RAD18: variants seen among roughly 807,000 people sequenced by gnomAD.
RAD18 encodes RAD18 E3 ubiquitin protein ligase.
RAD18 carries 47 observed loss-of-function variants against 60.4 expected under a neutral mutation model. The ratio of observed to expected loss-of-function variants is 0.78; its 90% CI spans 0.62 to 0.99. The LOEUF (loss-of-function observed/expected upper bound fraction) is 0.99. Among genes scored for constraint, RAD18 ranks in the 50% least tolerant of loss-of-function variants. The pLI, the probability that RAD18 is intolerant of heterozygous loss-of-function variation, is 0.00. For missense variants in RAD18, 640 were observed against 593.3 expected, an observed-to-expected ratio of 1.08 and a Z score of -0.82; for synonymous variants, 225 against 195.5, an observed-to-expected ratio of 1.15 and a Z score of -1.26.
intron 7 of RAD18, among the ~76,000 whole-genome samples, chr3:8,928,445 A>G (rs1441302889): frequency 6.6e-6 from 1 of 152,194 alleles, no homozygotes; most frequent in Non-Finnish European, 1.5e-5. Flanking sequence ...AACACAGCTT[A>G]AACATAATGG....
chr3:8,947,387 T>A (rs1042378619), intron 3 of RAD18, 97 bp from the exon 4 acceptor site: 48 of 933,098 alleles, frequency 5.1e-5, no homozygotes, highest in Non-Finnish European at 7.4e-5. Context: ...CTCCTGAGGT[T>A]CTCCATCCCA....
At chr3:8,907,869 C>T (rs1233511595) in intron 9 of RAD18, among the ~76,000 whole-genome samples, 7 of 152,202 alleles carry the variant, frequency 4.6e-5, no homozygotes, top group African/African-American at 1.4e-4. Flanking sequence ...GACACTGCTA[C>T]GGGGCCTGCA....
chr3:8,931,360 G>A (rs1940549785), intron 7 of RAD18: 1 of 152,148 alleles, frequency 6.6e-6, no homozygotes, highest in Non-Finnish European at 1.5e-5. Flanking sequence ...AGAAAGTAAA[G>A]GAGGCCTAAA....
intron 7 of RAD18, among the ~76,000 whole-genome samples, chr3:8,934,891 A>G (rs1281029509): frequency 6.6e-6 from 1 of 152,202 alleles, no homozygotes; most frequent in African/African-American, 2.4e-5. Flanking sequence ...CAAAAATGAA[A>G]AAAACATGAC....
chr3:8,920,192 T>C (rs1940289941), intron 7 of RAD18, among the ~76,000 whole-genome samples: 1 of 143,188 alleles, frequency 7.0e-6, no homozygotes, highest in Non-Finnish European at 1.5e-5. Flanking sequence ...GGCAGGAGAA[T>C]GGCGTGAACC....
intron 11 of RAD18, among the ~76,000 whole-genome samples, chr3:8,898,079 T>G (rs1210159764): frequency 6.7e-6 from 1 of 149,282 alleles, no homozygotes; most frequent in Admixed American, 6.6e-5. Context: ...CTCAAAAAAA[T>G]GAAAAAAAAA....
intron 1 of RAD18, among the ~76,000 whole-genome samples, chr3:8,959,404 A>C (rs1262513760): frequency 6.6e-6 from 1 of 152,244 alleles, no homozygotes; most frequent in Non-Finnish European, 1.5e-5. Flanking sequence ...CATTGCCACC[A>C]CACAAGTTAA....
chr3:8,898,352 G>A (rs1440171050), intron 11 of RAD18, among the ~76,000 whole-genome samples: 1 of 149,906 alleles, frequency 6.7e-6, no homozygotes, highest in Non-Finnish European at 1.5e-5. Flanking sequence ...TGAAAGACCG[G>A]AACAAAAACT....
rs764172908 is a variant in RAD18, at chr3:8,877,845, G to C, written c.*3512C>G. 6.6e-6 allele frequency: 1 copy of C among 152,166 alleles called. No homozygotes were observed. The highest frequency in any genetic ancestry group is 1.5e-5 in the Non-Finnish European group (1 of 68,032). The allele number at this position is 152,166 out of a possible 1,614,324, so 9.4% of individuals were successfully genotyped here. Reference sequence around the variant, plus strand: ...GAGAAAAAAAAGGGGGTGGGGAAGAGAAAAGAGAAAGAGTGAAAGGGGAAG... The same window carrying C: ...GAGAAAAAAAAGGGGGTGGGGAAGACAAAAGAGAAAGAGTGAAAGGGGAAG... On this transcript the variant is annotated 3_prime_UTR_variant, in exon 13 of 13. Coordinates refer to ENST00000264926, the MANE Select transcript of RAD18 (RefSeq NM_020165.4).
intron 7 of RAD18, among the ~76,000 whole-genome samples, chr3:8,928,490 C>CAT (rs199598248): frequency 6.6e-6 from 1 of 151,300 alleles, no homozygotes; most frequent in East Asian, 1.9e-4. Context: ...AATAAAGTAG[C>CAT]TGCTATACTC....
intron 7 of RAD18, among the ~76,000 whole-genome samples, chr3:8,919,870 G>A (rs1356123702): frequency 6.6e-6 from 1 of 152,138 alleles, no homozygotes; most frequent in African/African-American, 2.4e-5. Context: ...CATGAGGACA[G>A]GAATTAGAAT....
intron 11 of RAD18, among the ~76,000 whole-genome samples, chr3:8,896,906 A>G (rs1052894933): frequency 7.2e-5 from 11 of 152,236 alleles, no homozygotes; most frequent in Admixed American, 5.9e-4. Flanking sequence ...CTTTTAGTCA[A>G]TCACTTTAAA....
At chr3:8,958,072 A>G (rs1329291504) in intron 2 of RAD18, among the ~76,000 whole-genome samples, 4 of 152,226 alleles carry the variant, frequency 2.6e-5, no homozygotes, top group Non-Finnish European at 5.9e-5. Context: ...TAATTCTCAC[A>G]AACATTTTCT....
intron 7 of RAD18, among the ~76,000 whole-genome samples, chr3:8,926,985 G>A (rs1384324726): frequency 1.3e-5 from 2 of 152,048 alleles, no homozygotes; most frequent in African/African-American, 4.8e-5. Flanking sequence ...ATACCATTCA[G>A]GACATAGGCA....
At chr3:8,931,347 G>C (rs1940549559) in intron 7 of RAD18, 1 of 152,208 alleles carries the variant, frequency 6.6e-6, no homozygotes, top group Admixed American at 6.5e-5. Context: ...CAGCACTACT[G>C]AGAGAAAGTA....
chr3:8,932,167 T>C (rs1940572336), intron 7 of RAD18, among the ~76,000 whole-genome samples: 1 of 151,956 alleles, frequency 6.6e-6, no homozygotes, highest in African/African-American at 2.4e-5. Flanking sequence ...GCATAAATCA[T>C]AAAAAAAGTA....
chr3:8,881,112 G>A lies in RAD18; in HGVS notation c.*245C>T, dbSNP rs543110747. Reference sequence around the variant, plus strand: ...AGAGTCTACCTCCTCTGCAAAGCTGGTACCTGTGTGAAATGTCAGTATTTT... The same window carrying A: ...AGAGTCTACCTCCTCTGCAAAGCTGATACCTGTGTGAAATGTCAGTATTTT... On this transcript the variant is annotated 3_prime_UTR_variant, in exon 13 of 13. Transcript: ENST00000264926. The A allele has an allele frequency of 7.0e-6, 3 of 426,880 alleles. 1 individual carries two copies. Among genetic ancestry groups the A allele is most frequent in the African/African-American group, 6.2e-5 (3 of 48,670 alleles). The allele number at this position is 426,880 out of a possible 1,614,324, so 26.4% of individuals were successfully genotyped here. A position where few individuals can be genotyped will look rare whatever the true frequency, so the allele number is the denominator to read the frequency against.
At chr3:8,889,828 GTA>G (rs1284484253) in intron 12 of RAD18, among the ~76,000 whole-genome samples, 4 of 152,304 alleles carry the variant, frequency 2.6e-5, no homozygotes, top group African/African-American at 9.6e-5. Flanking sequence ...AGAGGGATGA[GTA>G]ACAGTGATCA....
At chr3:8,949,675 G>GC (rs1940898229) in intron 2 of RAD18, among the ~76,000 whole-genome samples, 1 of 130,072 alleles carries the variant, frequency 7.7e-6, no homozygotes, top group African/African-American at 3.9e-5. Context: ...GAGAGAGAGA[G>GC]GGGGGTAATA....
Sources: allele counts gnomAD v4.1 joint callset (sites outside exome capture counted in the v4.1 genomes callset), GRCh38; gene constraint gnomAD v4.1.1; transcripts MANE v1.5; gene names NCBI Gene and HGNC (gene_info 2026-07-23, HGNC 2026-07-21).